MBP: variants seen among roughly 807,000 people sequenced by gnomAD.
The protein encoded by MBP is myelin basic protein, also known as Golli-MBP.
MBP carries 16 observed loss-of-function variants against 35.8 expected under a neutral mutation model. The ratio of observed to expected loss-of-function variants is 0.45; its 90% CI spans 0.30 to 0.68. The LOEUF (loss-of-function observed/expected upper bound fraction) is 0.68, where lower values mean the gene tolerates loss of function less well. MBP is among the 30% of genes least tolerant of loss of function. The pLI is 0.08. For missense variants in MBP, 380 were observed against 404.7 expected, an observed-to-expected ratio of 0.94 and a Z score of 0.52; for synonymous variants, 143 against 159.6, an observed-to-expected ratio of 0.90 and a Z score of 0.78.
chr18:77,105,159 G>A (rs1312157283), intron 2 of MBP, 52 bp downstream of exon 2: 8 of 1,577,328 alleles, frequency 5.1e-6, no homozygotes, highest in Admixed American at 1.7e-5. Flanking sequence ...AAGGGGATTT[G>A]TGTTTAATAA....
intron 7 of MBP, 136 bp from the exon 8 acceptor site, chr18:76,985,030 G>C: frequency 6.7e-7 from 1 of 1,500,228 alleles, no homozygotes; most frequent in South Asian, 1.2e-5. Flanking sequence ...CAGGAGCCAC[G>C]GGCCAGCACC....
At chr18:76,987,129 C>T (rs894117687) in intron 7 of MBP, 1 of 985,490 alleles carries the variant, frequency 1.0e-6, no homozygotes, top group Non-Finnish European at 1.2e-6. Context: ...GGCAGAACGG[C>T]CTGTGTGCAA....
chr18:77,003,330 A>G (rs1334294385), intron 4 of MBP: 2 of 152,192 alleles, frequency 1.3e-5, no homozygotes, highest in African/African-American at 4.8e-5. Flanking sequence ...GTTTTTGCAC[A>G]CATCCACAAA....
chr18:76,989,567 A>AGAGC lies in MBP; in HGVS notation c.681+385_681+388dup, dbSNP rs1969770109. Among the ~76,000 whole-genome samples the AGAGC allele has an allele frequency of 6.6e-6, 1 of 152,140 alleles. No homozygotes were observed. Among genetic ancestry groups the AGAGC allele is most frequent in the African/African-American group, 2.4e-5 (1 of 41,426 alleles). On this transcript the variant is annotated intron_variant, in intron 5 of 8. Transcript: ENST00000355994. The surrounding 1 kb of genome is among the most constrained non-coding windows in gnomAD (Gnocchi z 4.0). ...CTTCAGTCACCATGGCAGCCTCGAC[A>AGAGC]GAGCGGTTTCGCTGCCCGAAAAATG...
rs143698779 is a variant in MBP at position 77,073,460 on chromosome 18, A to G, written c.52-7075T>C. ...TTTTGACATGAGTTCCCTAATACCC[A>G]GTTCACACAGGAGCCATGCGAATGG... On this transcript the variant is annotated intron_variant, in intron 2 of 8. Coordinates refer to ENST00000355994, the MANE Select transcript of MBP (RefSeq NM_001025101.2). Among the ~76,000 whole-genome samples, 4 of 152,350 alleles carry G rather than the reference A, an allele frequency of 2.6e-5. No individual in the cohort carries two copies. The East Asian group carries it at 7.7e-4, about 29-fold the overall frequency.
chr18:77,010,904 A>G (rs3794830), intron 4 of MBP, among the ~76,000 whole-genome samples: 43,638 of 152,156 alleles, frequency 0.29, 7,154 homozygotes, highest in Admixed American at 0.41. Flanking sequence ...GAGAGAGAAG[A>G]GAAAGAGGAG....
At chr18:77,111,086 C>G (rs1473534995) in intron 1 of MBP, among the ~76,000 whole-genome samples, 1 of 152,158 alleles carries the variant, frequency 6.6e-6, no homozygotes, top group Non-Finnish European at 1.5e-5. Flanking sequence ...TCTCGGGGTT[C>G]TCAGCGCCTG....
At chr18:76,992,715 C>T (rs928235232) in intron 4 of MBP, among the ~76,000 whole-genome samples, 1 of 152,192 alleles carries the variant, frequency 6.6e-6, no homozygotes, top group South Asian at 2.1e-4. Context: ...CTGTGGCCGC[C>T]CTTGCCTGCA....
At chr18:76,990,469 C>G (rs1293370792) in intron 4 of MBP, among the ~76,000 whole-genome samples, 1 of 152,064 alleles carries the variant, frequency 6.6e-6, no homozygotes, top group Non-Finnish European at 1.5e-5. Flanking sequence ...TCCTATATCA[C>G]TCAGGGGATG....
At chr18:76,987,178 C>T (rs11874114) in intron 7 of MBP, 62,763 of 985,338 alleles carry the variant, frequency 0.064, 3,176 homozygotes, top group African/African-American at 0.25. Context: ...TCCGGCACGA[C>T]GGCCCCAAAG....
At chr18:77,106,366 G>C (rs773086022) in intron 1 of MBP, among the ~76,000 whole-genome samples, 2 of 152,182 alleles carry the variant, frequency 1.3e-5, no homozygotes, top group Admixed American at 6.5e-5. Context: ...CAGGAAGACT[G>C]GCTGAGGACA....
At chr18:76,997,973 C>T (rs534021780) in intron 4 of MBP, among the ~76,000 whole-genome samples, 256 of 152,304 alleles carry the variant, frequency 1.7e-3, no homozygotes, top group South Asian at 2.5e-3. Context: ...TGAGCCACCA[C>T]GCCCGGCCTG....
chr18:77,127,520 T>C (rs1201100860), intron 1 of MBP: 1 of 151,660 alleles, frequency 6.6e-6, no homozygotes, highest in Admixed American at 6.6e-5. Flanking sequence ...AAAATCAAAA[T>C]CCAAAAAAGG....
chr18:77,026,968 T>A (rs905954792), intron 3 of MBP, among the ~76,000 whole-genome samples: 1 of 152,166 alleles, frequency 6.6e-6, no homozygotes, highest in Admixed American at 6.5e-5. Context: ...ATCCCTCAGG[T>A]AACTTGAGGG....
intron 2 of MBP, among the ~76,000 whole-genome samples, chr18:77,098,616 G>A (rs1285651550): frequency 2.0e-5 from 3 of 152,196 alleles, no homozygotes; most frequent in Non-Finnish European, 4.4e-5. Flanking sequence ...TGGCAAGACA[G>A]CTTGATAAAT....
chr18:77,030,334 T>TGAAAGAGCCCAAG (rs1972496824), intron 3 of MBP, among the ~76,000 whole-genome samples: 6 of 152,202 alleles, frequency 3.9e-5, no homozygotes, highest in Admixed American at 3.9e-4. Context: ...GTAGGGACTC[T>TGAAAGAGCCCAAG]GTGTGGAAAG....
At chr18:77,046,752 G>C (rs149751484) in intron 3 of MBP, among the ~76,000 whole-genome samples, 1 of 152,240 alleles carries the variant, frequency 6.6e-6, no homozygotes, top group Admixed American at 6.5e-5. Context: ...TTGTTCCTAC[G>C]GCCCACCCTT....
chr18:76,995,832 A>G (rs921304218), intron 4 of MBP, among the ~76,000 whole-genome samples: 4 of 152,192 alleles, frequency 2.6e-5, no homozygotes, highest in Non-Finnish European at 5.9e-5. Flanking sequence ...AAAAATGGAT[A>G]AATTGGACCT....
At chr18:77,117,697 G>A (rs1323112295) in intron 1 of MBP, among the ~76,000 whole-genome samples, 1 of 148,018 alleles carries the variant, frequency 6.8e-6, no homozygotes, top group Non-Finnish European at 1.5e-5. Flanking sequence ...TTTTGAATGA[G>A]GTAGGTAACA....
Sources: allele counts gnomAD v4.1 joint callset (sites outside exome capture counted in the v4.1 genomes callset), GRCh38; gene constraint gnomAD v4.1.1; non-coding constraint Gnocchi (gnomAD v3.1); transcripts MANE v1.5; gene names NCBI Gene and HGNC (gene_info 2026-07-23, HGNC 2026-07-21).